ALLC: variants seen among roughly 807,000 people sequenced by gnomAD.
ALLC encodes probable inactive allantoicase.
Under a neutral mutation model 45.0 loss-of-function variants are expected in ALLC, and 40 were observed. That is an observed-to-expected ratio of 0.89 (90% CI 0.69 to 1.16). ALLC has a LOEUF of 1.16. Ranked by LOEUF, ALLC falls within the 50% of genes most tolerant of loss-of-function variation. ALLC has a pLI of 0.00. For missense variants in ALLC, 488 were observed against 493.1 expected (o/e 0.99, Z 0.10); for synonymous variants, 176 against 178.1 (o/e 0.99, Z 0.09).
chr2:3,656,752 A>G (rs929816975), upstream of ALLC, among the ~76,000 whole-genome samples: 10 of 148,946 alleles, frequency 6.7e-5, no homozygotes, highest in Non-Finnish European at 8.9e-5. Flanking sequence ...TTGGAAGCAC[A>G]TTAGATTGTA....
chr2:3,685,170 C>T (rs1197976007), intron 7 of ALLC, among the ~76,000 whole-genome samples: 2 of 152,142 alleles, frequency 1.3e-5, no homozygotes, highest in African/African-American at 4.8e-5. Flanking sequence ...TACTAATTTA[C>T]ATTCTCACCA....
chr2:3,667,851 G>T (rs550630416), intron 1 of ALLC, among the ~76,000 whole-genome samples: 1 of 152,186 alleles, frequency 6.6e-6, no homozygotes, highest in Admixed American at 6.5e-5. Flanking sequence ...CGCAACCTCC[G>T]CCTTCCGGGT....
rs565305737 is a variant in ALLC, at chr2:3,665,315, T to A, written c.-62-5781T>A. ...AGTACTGAGTTGAAGTGTTTTTTTT[T>A]AAATTTTATTTTAAGTTCTGGGATA... On this transcript the variant is annotated intron_variant, in intron 1 of 11. Transcript: ENST00000252505. Among the ~76,000 whole-genome samples, 14 of 148,340 alleles carry A rather than the reference T, an allele frequency of 9.4e-5. No homozygotes were observed. The South Asian group carries it at 1.7e-3, about 18-fold the overall frequency.
rs772361133 is a variant in ALLC at position 3,678,567 on chromosome 2, G to C, written c.172+12G>C. On this transcript the variant is annotated intron_variant, in intron 4 of 11. Coordinates refer to ENST00000252505, the MANE Select transcript of ALLC (RefSeq NM_018436.4). ...GAAAAGGATTCCAGGTAATAACAAC[G>C]GTTCGTTCATCGAAGTGCAGCTGAC... The C allele has an allele frequency of 6.2e-7, 1 of 1,611,596 alleles. No individual in the cohort carries two copies. Among genetic ancestry groups the C allele is most frequent in the African/African-American group, 1.3e-5 (1 of 74,892 alleles).
At chr2:3,694,797 AG>A (rs1202050438) in intron 7 of ALLC, 1 of 152,256 alleles carries the variant, frequency 6.6e-6, no homozygotes, top group Non-Finnish European at 1.5e-5. Flanking sequence ...AAAAACATAT[AG>A]GGCATGTTTT....
In ALLC at chr2:3,695,853, G is replaced by T; in HGVS notation, c.648G>T (p.Gly216=). The stretch of plus-strand genomic sequence containing the variant: ...TAGGATTTAGTAATGCTAAGTTTGG[G>T]CACCCAAACAATATAATAGGTAAGA... The part of the protein sequence containing the change: ...VCVGFSNAKF[G]HPNNIIGVGG... The change falls in exon 8 of 12, where the codon GGG becomes GGT. Residue 216 remains glycine, a synonymous_variant. Transcript: ENST00000252505. 1 of 1,610,956 alleles carries T rather than the reference G, an allele frequency of 6.2e-7. No homozygotes were observed. Among genetic ancestry groups the T allele is most frequent in the Non-Finnish European group, 8.5e-7 (1 of 1,179,004 alleles).
At chr2:3,699,355 T>C (rs1189252186) in intron 10 of ALLC, among the ~76,000 whole-genome samples, 1 of 152,256 alleles carries the variant, frequency 6.6e-6, no homozygotes, top group African/African-American at 2.4e-5. Flanking sequence ...TGTGGCTGCA[T>C]AGTATTCCAT....
At chr2:3,696,747 C>A (rs192368380) in intron 9 of ALLC, among the ~76,000 whole-genome samples, 1 of 152,158 alleles carries the variant, frequency 6.6e-6, no homozygotes, top group Non-Finnish European at 1.5e-5. Context: ...ATGGACAGGG[C>A]GCTCTAGAGT....
At chr2:3,697,239 A>G in intron 9 of ALLC, 109 bp from the exon 10 acceptor site, 3 of 764,284 alleles carry the variant, frequency 3.9e-6, no homozygotes, top group South Asian at 3.4e-5. Context: ...ACTCTTCTAT[A>G]GTAAGAAATA....
chr2:3,653,744 G>A (rs545053399), upstream of ALLC, among the ~76,000 whole-genome samples: 5 of 152,082 alleles, frequency 3.3e-5, no homozygotes, highest in African/African-American at 1.2e-4. The surrounding 1 kb of genome is among the most constrained non-coding windows in gnomAD (Gnocchi z 4.1). Flanking sequence ...CCATGATGGT[G>A]CGTGGCAGAG....
rs181530828 is a variant in ALLC, at chr2:3,670,440, G to A, written c.-62-656G>A. 4.8e-3 allele frequency among the ~76,000 whole-genome samples: 734 copies of A among 152,284 alleles called. 9 individuals carry two copies. The highest frequency in any genetic ancestry group is 0.016 in the African/African-American group (668 of 41,562). ...GCCAGACTCTCCCTTCCTCCCTCAC[G>A]GTCTCTTTCCATTTCTCCAAGTCTC... On this transcript the variant is annotated intron_variant, in intron 1 of 11. Transcript: ENST00000252505.
intron 1 of ALLC, among the ~76,000 whole-genome samples, chr2:3,660,234 G>A (rs1461321516): frequency 6.6e-6 from 1 of 152,174 alleles, no homozygotes; most frequent in Non-Finnish European, 1.5e-5. Context: ...TTCCTCTTCT[G>A]CCCTGTGGTG....
At chr2:3,650,801 T>C in the ALLC span, among the ~76,000 whole-genome samples, 5 of 152,340 alleles carry the variant, frequency 3.3e-5, no homozygotes, top group Non-Finnish European at 5.9e-5. Context: ...GAGGGGAGTC[T>C]GTGTTAATAG....
upstream of ALLC, among the ~76,000 whole-genome samples, chr2:3,655,762 A>C (rs1436172519): frequency 6.6e-6 from 1 of 152,230 alleles, no homozygotes; most frequent in Non-Finnish European, 1.5e-5. Context: ...GCCCAGCCTT[A>C]GAATGACAAG....
chr2:3,676,404 G>A (rs1667026102), intron 3 of ALLC, among the ~76,000 whole-genome samples: 1 of 151,936 alleles, frequency 6.6e-6, no homozygotes, highest in African/African-American at 2.4e-5. Flanking sequence ...TGCCTCACTG[G>A]GACTACAGGC....
chr2:3,700,767 G>A (rs954025410), intron 10 of ALLC, among the ~76,000 whole-genome samples: 1 of 152,170 alleles, frequency 6.6e-6, no homozygotes, highest in African/African-American at 2.4e-5. Context: ...CCAGGGGCAT[G>A]TTCGCCCACC....
At chr2:3,670,681 G>A (rs927783815) in intron 1 of ALLC, among the ~76,000 whole-genome samples, 6 of 152,156 alleles carry the variant, frequency 3.9e-5, no homozygotes, top group Admixed American at 3.3e-4. Flanking sequence ...TGTTTCCCAC[G>A]TCTAGCCAGG....
chr2:3,659,588 G>A (rs1359864117), intron 1 of ALLC, among the ~76,000 whole-genome samples: 1 of 152,240 alleles, frequency 6.6e-6, no homozygotes, highest in Non-Finnish European at 1.5e-5. Flanking sequence ...GTGAGCTGCT[G>A]AGCTGGTGGC....
intron 1 of ALLC, among the ~76,000 whole-genome samples, chr2:3,660,145 T>C (rs1666535408): frequency 6.6e-6 from 1 of 152,154 alleles, no homozygotes; most frequent in African/African-American, 2.4e-5. Flanking sequence ...GGTGCCGTTC[T>C]GGAGGTGGTG....
Sources: gnomAD v4.1 joint callset for allele counts (sites outside exome capture counted in the v4.1 genomes callset) on GRCh38, gnomAD v4.1.1 for gene constraint, Gnocchi (gnomAD v3.1) non-coding constraint, MANE v1.5 for transcripts, NCBI Gene and HGNC (gene_info 2026-07-23, HGNC 2026-07-21) for gene names.